FAP: variants seen among roughly 807,000 people sequenced by gnomAD.
FAP encodes prolyl endopeptidase FAP.
In FAP, 110 loss-of-function variants were observed where a neutral mutation model predicts 126.5. The ratio of observed to expected loss-of-function variants is 0.87; its 90% CI spans 0.74 to 1.02. The LOEUF (loss-of-function observed/expected upper bound fraction) is 1.02, where lower values mean the gene tolerates loss of function less well. FAP is among the 50% of genes least tolerant of loss of function. FAP has a pLI of 0.00. For synonymous variants in FAP, 334 were observed against 297.3 expected, an observed-to-expected ratio of 1.12 and a Z score of -1.27; for missense variants, 919 against 909.2, an observed-to-expected ratio of 1.01 and a Z score of -0.14.
intron 16 of FAP, among the ~76,000 whole-genome samples, chr2:162,197,121 T>C (rs1373557573): frequency 6.6e-6 from 1 of 152,216 alleles, no homozygotes; most frequent in Non-Finnish European, 1.5e-5. Context: ...GATGTAAATG[T>C]AGTGTCACTG....
Position 162,189,149 on chromosome 2 carries a change from G to A in FAP, c.1573C>T (p.Pro525Ser). 1 of 1,601,570 alleles carries A rather than the reference G, an allele frequency of 6.2e-7. No homozygotes were observed. The highest frequency in any genetic ancestry group is 8.5e-7 in the Non-Finnish European group (1 of 1,172,850). ...TTCTTTGATCTGTCAAATTGAGGAG[G>A]AAGAATCATCTTGTACCATAAAGCT... ...EITLWYKMILPPQFDRSKKYP... is the reference protein window; with the variant it reads ...EITLWYKMILSPQFDRSKKYP... Residue 525 changes from proline (P) to serine (S), a missense_variant, in exon 19 of 26, where the codon CCT (proline) becomes TCT (serine). Coordinates refer to ENST00000188790, the MANE Select transcript of FAP (RefSeq NM_004460.5).
chr2:162,193,140 G>A (rs745467583), intron 17 of FAP, among the ~76,000 whole-genome samples: 2 of 152,118 alleles, frequency 1.3e-5, no homozygotes, highest in African/African-American at 2.4e-5. Context: ...GAATGAGATT[G>A]CTGACACCAA....
intron 2 of FAP, among the ~76,000 whole-genome samples, chr2:162,240,928 T>C (rs1006150411): frequency 2.6e-5 from 4 of 152,070 alleles, no homozygotes; most frequent in Non-Finnish European, 5.9e-5. Context: ...ACCAGTGAGA[T>C]GTGAGAAGAA....
At chr2:162,232,562 A>T (rs1170740460) in intron 2 of FAP, among the ~76,000 whole-genome samples, 2 of 152,228 alleles carry the variant, frequency 1.3e-5, no homozygotes, top group East Asian at 3.9e-4. Flanking sequence ...TTTTCAAAGC[A>T]AATAGGTTGC....
At chr2:162,233,835 T>C (rs906656398) in intron 2 of FAP, among the ~76,000 whole-genome samples, 7 of 152,218 alleles carry the variant, frequency 4.6e-5, no homozygotes, top group Admixed American at 6.5e-5. Context: ...AAGAGTTTTA[T>C]AGTTTTTAGC....
intron 2 of FAP, among the ~76,000 whole-genome samples, chr2:162,227,218 T>A (rs1230190250): frequency 6.6e-6 from 1 of 152,114 alleles, no homozygotes; most frequent in Non-Finnish European, 1.5e-5. Flanking sequence ...GATTTTTATA[T>A]AAAGAAAGTA....
chr2:162,189,187 A>G lies in FAP; in HGVS notation c.1550-15T>C. ...GTACCATAAAGCTTTGAGGAAAAAAAAAGGAGAAAAATCTTCATTCCACAG... is the reference window on the plus strand; with the variant it reads ...GTACCATAAAGCTTTGAGGAAAAAAGAAGGAGAAAAATCTTCATTCCACAG... On this transcript the variant is annotated splice_polypyrimidine_tract_variant and intron_variant, in intron 18 of 25. Coordinates refer to ENST00000188790, the MANE Select transcript of FAP (RefSeq NM_004460.5). 1.3e-6 allele frequency: 2 copies of G among 1,556,950 alleles called. No homozygotes were observed. The highest frequency in any genetic ancestry group is 8.8e-7 in the Non-Finnish European group (1 of 1,140,446).
chr2:162,193,345 G>T (rs1463433179), intron 17 of FAP, among the ~76,000 whole-genome samples: 1 of 152,166 alleles, frequency 6.6e-6, no homozygotes, highest in Non-Finnish European at 1.5e-5. Flanking sequence ...TGCTCTGAAA[G>T]AATTTGATTT....
At position 162,188,155 on chromosome 2, in the gene FAP, G is replaced by A. The variant is rs1687917401; in HGVS notation, c.1814+14C>T. 6.2e-7 allele frequency: 1 copy of A among 1,604,562 alleles called. No homozygotes were observed. The highest frequency in any genetic ancestry group is 8.5e-7 in the Non-Finnish European group (1 of 1,172,320). The stretch of plus-strand genomic sequence containing the variant: ...GTTGCATGTTGACATCTGCTTGAAT[G>A]AGAAGGTGCTCACCTGACAGCTGTA... On this transcript the variant is annotated intron_variant, in intron 20 of 25. Coordinates refer to ENST00000188790, the MANE Select transcript of FAP (RefSeq NM_004460.5).
chr2:162,226,973 T>G (rs1689680128), intron 2 of FAP, among the ~76,000 whole-genome samples: 1 of 152,102 alleles, frequency 6.6e-6, no homozygotes, highest in Non-Finnish European at 1.5e-5. Flanking sequence ...TGAGATGAGG[T>G]TCCAACAACT....
Position 162,226,293 on chromosome 2 carries a change from A to G in FAP, c.190+230T>C, listed in dbSNP as rs545628677. 2.0e-5 allele frequency among the ~76,000 whole-genome samples: 3 copies of G among 152,260 alleles called. No individual in the cohort carries two copies. In the East Asian group the frequency reaches 5.8e-4, roughly 29 times the overall value. ...CAAATTATTTCAACAATGCATTTTC[A>G]ACTTTTCCTTCTCTATTTAAAACTC... On this transcript the variant is annotated intron_variant, in intron 3 of 25. Coordinates refer to ENST00000188790, the MANE Select transcript of FAP (RefSeq NM_004460.5).
chr2:162,242,286 G>A (rs192770002), intron 2 of FAP, among the ~76,000 whole-genome samples: 6 of 152,016 alleles, frequency 3.9e-5, no homozygotes, highest in African/African-American at 1.2e-4. Context: ...CCAATTTTTA[G>A]CAAAGTGAGA....
intron 2 of FAP, among the ~76,000 whole-genome samples, chr2:162,236,228 A>C (rs921603849): frequency 6.6e-6 from 1 of 152,150 alleles, no homozygotes. Flanking sequence ...AAATTTTTGC[A>C]TCCATATTCA....
intron 12 of FAP, among the ~76,000 whole-genome samples, chr2:162,207,619 G>A (rs1303004464): frequency 3.3e-5 from 5 of 151,808 alleles, no homozygotes; most frequent in Non-Finnish European, 7.4e-5. Flanking sequence ...TGGGCTGGGC[G>A]CGGTGGCTCA....
intron 17 of FAP, 107 bp from the exon 18 acceptor site, chr2:162,189,861 G>T (rs185097684): frequency 1.4e-5 from 9 of 633,410 alleles, no homozygotes; most frequent in Admixed American, 6.2e-5. Flanking sequence ...ACTGTGAAAA[G>T]CTCGCTTAAG....
At chr2:162,194,882 C>A in intron 16 of FAP, 134 bp from the exon 17 acceptor site, 1 of 761,436 alleles carries the variant, frequency 1.3e-6, no homozygotes. Flanking sequence ...ATTTTTTTCC[C>A]CATAGAGAAG....
At chr2:162,208,959 C>T (rs1015165590) in intron 12 of FAP, among the ~76,000 whole-genome samples, 25 of 151,572 alleles carry the variant, frequency 1.6e-4, no homozygotes, top group South Asian at 2.1e-4. Flanking sequence ...CTTTAATTAA[C>T]GGCAGAGTAT....
At chr2:162,243,107 T>C in intron 1 of FAP, 115 bp from the exon 2 acceptor site, 1 of 900,664 alleles carries the variant, frequency 1.1e-6, no homozygotes, top group Non-Finnish European at 1.8e-6. Flanking sequence ...CTTTTGATTG[T>C]TTTCCACTGA....
intron 15 of FAP, among the ~76,000 whole-genome samples, chr2:162,200,018 A>G (rs551957662): frequency 6.6e-6 from 1 of 152,228 alleles, no homozygotes; most frequent in Non-Finnish European, 1.5e-5. Flanking sequence ...TGTAAGTCAG[A>G]TTAAAAGGTG....
Sources: gnomAD v4.1 joint callset for allele counts (sites outside exome capture counted in the v4.1 genomes callset) on GRCh38, gnomAD v4.1.1 for gene constraint, MANE v1.5 for transcripts, NCBI Gene and HGNC (gene_info 2026-07-23, HGNC 2026-07-21) for gene names.